Variants in WASF3 observed in about 807,000 individuals in gnomAD.
WASF3 encodes WASP family member 3, also known as actin-binding protein WASF3.
WASF3 carries 11 observed loss-of-function variants against 46.6 expected under a neutral mutation model. The ratio of observed to expected loss-of-function variants is 0.24; its 90% confidence interval spans 0.15 to 0.39. The LOEUF (loss-of-function observed/expected upper bound fraction) is 0.39. WASF3 is among the 10% of genes least tolerant of loss of function. The pLI, the probability that WASF3 is intolerant of heterozygous loss-of-function variation, is 1.00. For synonymous variants in WASF3, 242 were observed against 259.7 expected (o/e 0.93, Z 0.65); for missense variants, 576 against 669.8 (o/e 0.86, Z 1.55).
At chr13:26,656,795 A>C (rs558771316) in intron 3 of WASF3, among the ~76,000 whole-genome samples, 56 of 152,256 alleles carry the variant, frequency 3.7e-4, no homozygotes, top group African/African-American at 1.2e-3. Context: ...AAATACTACC[A>C]TATATAATCT....
rs372513511 is a variant in WASF3 at position 26,574,868 on chromosome 13, G to A, written c.-109+17049G>A. On this transcript the variant is annotated intron_variant, in intron 1 of 9. Transcript: ENST00000335327. ...TTTTTTTTTTTTGAGATGGAGTCTC[G>A]CTGTGTCACCCAGGCTGGAGTGCAG... Among the ~76,000 whole-genome samples, 47 of 144,524 alleles carry A rather than the reference G, an allele frequency of 3.3e-4. No homozygotes were observed. The East Asian group carries it at 8.7e-3, about 27-fold the overall frequency. The allele number at this position is 144,524 out of a possible 152,430, so 94.8% of individuals were successfully genotyped here. A position where few individuals can be genotyped will look rare whatever the true frequency, so the allele number is the denominator to read the frequency against.
chr13:26,636,228 C>A (rs1176138590), intron 2 of WASF3, among the ~76,000 whole-genome samples: 1 of 152,120 alleles, frequency 6.6e-6, no homozygotes, highest in Non-Finnish European at 1.5e-5. Context: ...GCGGATGCCC[C>A]TCCCCCTGTC....
In WASF3 at chr13:26,687,317, A is replaced by G. The variant is rs1205788303; in HGVS notation, c.*1472A>G. The G allele has an allele frequency of 6.6e-6, 1 of 152,256 alleles. No homozygotes were observed. Among genetic ancestry groups the G allele is most frequent in the African/African-American group, 2.4e-5 (1 of 41,464 alleles). The allele number at this position is 152,256 out of a possible 1,614,324, so 9.4% of individuals were successfully genotyped here. ...TAGTTACTCAGTTATGTTGAGAAGA[A>G]TCTGGAGCTAAAAGCAGAGATGTTT... On this transcript the variant is annotated 3_prime_UTR_variant, in exon 10 of 10. Coordinates refer to ENST00000335327, the MANE Select transcript of WASF3 (RefSeq NM_006646.6).
At chr13:26,586,577 T>C (rs1025990857) in intron 1 of WASF3, among the ~76,000 whole-genome samples, 2 of 152,214 alleles carry the variant, frequency 1.3e-5, no homozygotes, top group Non-Finnish European at 1.5e-5. Flanking sequence ...ATTCTTCTTT[T>C]TCAGAATTGT....
intron 1 of WASF3, among the ~76,000 whole-genome samples, chr13:26,587,789 A>G (rs565378719): frequency 6.6e-6 from 1 of 152,284 alleles, no homozygotes; most frequent in African/African-American, 2.4e-5. Flanking sequence ...ATTGGAAAAT[A>G]ATGGAACAAA....
rs144442334 is a variant in WASF3, at chr13:26,681,183, G to A, written c.846G>A (p.Ala282=). The stretch of plus-strand genomic sequence containing the variant: ...CACACGGGCCTGCAAGCCAGGCTGC[G>A]GAGCATGAGTACCGGCCCCCATCTG... ...VPPHGPASQA[A]EHEYRPPSAS... is the part of the protein sequence containing the mutation. Residue 282 remains alanine, a synonymous_variant, in exon 8 of 10, where the codon GCG becomes GCA. Transcript: ENST00000335327. 55 of 1,613,980 alleles carry A rather than the reference G, an allele frequency of 3.4e-5. No individual in the cohort carries two copies. In the Admixed American group the frequency reaches 5.2e-4, roughly 15 times the overall value.
intron 1 of WASF3, among the ~76,000 whole-genome samples, chr13:26,575,237 G>C (rs942290856): frequency 6.6e-6 from 1 of 152,036 alleles, no homozygotes; most frequent in Non-Finnish European, 1.5e-5. Context: ...ACCTATGATT[G>C]TATGGCTTTT....
the WASF3 span, among the ~76,000 whole-genome samples, chr13:26,541,520 G>C: frequency 6.6e-6 from 1 of 152,178 alleles, no homozygotes; most frequent in African/African-American, 2.4e-5. Context: ...CACAGTAAGT[G>C]CTCAAGCAGT....
At chr13:26,598,619 T>C (rs2137197262) in intron 1 of WASF3, among the ~76,000 whole-genome samples, 1 of 152,310 alleles carries the variant, frequency 6.6e-6, no homozygotes, top group East Asian at 1.9e-4. Context: ...CAGTTTACCA[T>C]TGGATTCACA....
chr13:26,576,741 T>C (rs1355987008), intron 1 of WASF3: 1 of 254,768 alleles, frequency 3.9e-6, no homozygotes, highest in Non-Finnish European at 7.3e-6. Flanking sequence ...ATAACTTTAT[T>C]GTGGAACAAT....
chr13:26,645,459 G>A (rs1882122278), intron 3 of WASF3, among the ~76,000 whole-genome samples: 1 of 152,016 alleles, frequency 6.6e-6, no homozygotes, highest in Non-Finnish European at 1.5e-5. Flanking sequence ...TTACTGATTG[G>A]TGATAGAATA....
chr13:26,677,994 C>A (rs1566072987), intron 7 of WASF3, among the ~76,000 whole-genome samples: 2 of 152,074 alleles, frequency 1.3e-5, no homozygotes, highest in Admixed American at 1.3e-4. Flanking sequence ...AATGATACTC[C>A]TTCTAGCATC....
chr13:26,611,059 G>T (rs1258044582), intron 1 of WASF3, among the ~76,000 whole-genome samples: 1 of 130,662 alleles, frequency 7.7e-6, no homozygotes, highest in African/African-American at 2.8e-5. Flanking sequence ...TTTGGTAGAG[G>T]TGGGGTTTTG....
chr13:26,566,486 G>A (rs1371823398), intron 1 of WASF3, among the ~76,000 whole-genome samples: 1 of 152,172 alleles, frequency 6.6e-6, no homozygotes, highest in Non-Finnish European at 1.5e-5. Flanking sequence ...TTAGACATGA[G>A]GACTGCTTTA....
chr13:26,661,853 A>G (rs1882641537), intron 3 of WASF3, among the ~76,000 whole-genome samples: 2 of 152,176 alleles, frequency 1.3e-5, no homozygotes, highest in African/African-American at 4.8e-5. Flanking sequence ...TCATTCTTAA[A>G]ACTGTTAAAA....
At chr13:26,653,555 A>G (rs897858843) in intron 3 of WASF3, among the ~76,000 whole-genome samples, 1 of 152,198 alleles carries the variant, frequency 6.6e-6, no homozygotes, top group African/African-American at 2.4e-5. Flanking sequence ...TGTTACTGGC[A>G]TGCGACTCAC....
intron 1 of WASF3, chr13:26,577,622 G>C (rs924471989): frequency 2.5e-6 from 3 of 1,200,288 alleles, no homozygotes; most frequent in African/African-American, 3.0e-5. Context: ...GAGCAAGACA[G>C]GTGCTAAAGT....
At chr13:26,615,290 G>GT (rs900708610) in intron 2 of WASF3, among the ~76,000 whole-genome samples, 12 of 151,450 alleles carry the variant, frequency 7.9e-5, no homozygotes, top group Non-Finnish European at 1.2e-4. Flanking sequence ...CCACAGATTT[G>GT]TTTTTTTTGG....
At chr13:26,598,738 G>A (rs1221914123) in intron 1 of WASF3, among the ~76,000 whole-genome samples, 1 of 152,230 alleles carries the variant, frequency 6.6e-6, no homozygotes, top group African/African-American at 2.4e-5. Context: ...AGCTTCCTGA[G>A]TGGTGGGAGA....
Sources: gnomAD v4.1 joint callset for allele counts (sites outside exome capture counted in the v4.1 genomes callset) on GRCh38, gnomAD v4.1.1 for gene constraint, MANE v1.5 for transcripts, NCBI Gene and HGNC (gene_info 2026-07-23, HGNC 2026-07-21) for gene names.